TLE4: variants seen among roughly 807,000 people sequenced by gnomAD.
The protein encoded by TLE4 is TLE family member 4, transcriptional corepressor, also known as transducin-like enhancer protein 4.
A neutral mutation model predicts 92.8 loss-of-function variants in TLE4; 8 were observed. The observed-to-expected ratio is 0.09, with a 90% CI of 0.05 to 0.16. TLE4 has a LOEUF of 0.16. Ranked by LOEUF, TLE4 falls within the 10% of genes least tolerant of loss-of-function variation. TLE4 has a pLI of 1.00. For synonymous variants in TLE4, 371 were observed against 374.1 expected (o/e 0.99, Z 0.10); for missense variants, 675 against 997.6 (o/e 0.68, Z 4.36).
intron 8 of TLE4, among the ~76,000 whole-genome samples, chr9:79,672,223 A>G (rs2062519552): frequency 6.6e-6 from 1 of 152,000 alleles, no homozygotes; most frequent in Non-Finnish European, 1.5e-5. Flanking sequence ...AGAATGACAA[A>G]GGGGCCAGAG....
chr9:79,703,691 A>G (rs867979155), intron 8 of TLE4, among the ~76,000 whole-genome samples: 3 of 152,318 alleles, frequency 2.0e-5, no homozygotes, highest in Admixed American at 6.5e-5. Flanking sequence ...GGCATGGAGC[A>G]TCTTTCTCCA....
intron 4 of TLE4, among the ~76,000 whole-genome samples, chr9:79,591,621 C>T (rs370286781): frequency 3.0e-4 from 46 of 151,910 alleles, no homozygotes; most frequent in African/African-American, 1.1e-3. Flanking sequence ...TGGAGAGGGG[C>T]GTGACTGGAG....
intron 4 of TLE4, among the ~76,000 whole-genome samples, chr9:79,590,782 C>T (rs886766675): frequency 4.6e-5 from 7 of 152,030 alleles, no homozygotes; most frequent in African/African-American, 7.2e-5. Context: ...TGCTTTTTTG[C>T]CACTTTCTTT....
chr9:79,626,554 G>T (rs867406599), intron 5 of TLE4, among the ~76,000 whole-genome samples: 2 of 152,088 alleles, frequency 1.3e-5, no homozygotes, highest in Non-Finnish European at 2.9e-5. Flanking sequence ...TTTGGAGGGG[G>T]TAATTCTTGT....
intron 6 of TLE4, 174 bp downstream of exon 6, chr9:79,627,622 TGGATCAC>T (rs950106219): frequency 3.7e-5 from 24 of 640,492 alleles, no homozygotes; most frequent in African/African-American, 3.7e-4. Flanking sequence ...TTAGAAACTT[TGGATCAC>T]ATTCTCACCA....
At chr9:79,621,535 G>C (rs2050979269) in intron 5 of TLE4, among the ~76,000 whole-genome samples, 2 of 152,142 alleles carry the variant, frequency 1.3e-5, no homozygotes, top group South Asian at 2.1e-4. Flanking sequence ...AATGGAAAAA[G>C]CTTGTCCATG....
At chr9:79,616,089 A>G (rs1226695366) in intron 5 of TLE4, among the ~76,000 whole-genome samples, 1 of 152,180 alleles carries the variant, frequency 6.6e-6, no homozygotes, top group African/African-American at 2.4e-5. Flanking sequence ...AGCCATCTCA[A>G]GGTGGTAAAC....
At chr9:79,647,534 G>A (rs2058280725) in intron 6 of TLE4, among the ~76,000 whole-genome samples, 1 of 152,132 alleles carries the variant, frequency 6.6e-6, no homozygotes, top group Non-Finnish European at 1.5e-5. Flanking sequence ...TAGGCTTATA[G>A]TACAAGCAGC....
At chr9:79,674,577 CA>C (rs1325509671) in intron 8 of TLE4, among the ~76,000 whole-genome samples, 3 of 152,168 alleles carry the variant, frequency 2.0e-5, no homozygotes, top group Non-Finnish European at 2.9e-5. Flanking sequence ...CCTGTCAGAT[CA>C]GCAAAAATCC....
intron 8 of TLE4, among the ~76,000 whole-genome samples, chr9:79,677,608 ATTT>A (rs61013131): frequency 0.06 from 8,109 of 135,112 alleles, 268 homozygotes; most frequent in South Asian, 0.14. Context: ...TTGTTTCTTC[ATTT>A]TTTTTTTTTT....
intron 8 of TLE4, among the ~76,000 whole-genome samples, chr9:79,676,671 AG>A (rs2063311694): frequency 6.6e-6 from 1 of 152,142 alleles, no homozygotes; most frequent in South Asian, 2.1e-4. Context: ...GACTAGATTC[AG>A]GGGAGGCGTG....
chr9:79,684,670 G>A (rs533992411), intron 8 of TLE4, among the ~76,000 whole-genome samples: 1 of 152,272 alleles, frequency 6.6e-6, no homozygotes, highest in South Asian at 2.1e-4. Context: ...GGGGACTGCT[G>A]GTCTAGAACG....
chr9:79,723,593 C>T (rs551600518), intron 19 of TLE4, among the ~76,000 whole-genome samples: 5 of 152,284 alleles, frequency 3.3e-5, no homozygotes, highest in African/African-American at 1.2e-4. Flanking sequence ...ACGCTCTCCT[C>T]CTCTCTCCTA....
At chr9:79,637,437 AACC>A (rs1204973071) in intron 6 of TLE4, among the ~76,000 whole-genome samples, 1 of 152,142 alleles carries the variant, frequency 6.6e-6, no homozygotes, top group African/African-American at 2.4e-5. Flanking sequence ...TCACACATTT[AACC>A]ATTATGCTAC....
chr9:79,704,041 A>G (rs2070762787), intron 8 of TLE4, among the ~76,000 whole-genome samples: 3 of 152,078 alleles, frequency 2.0e-5, no homozygotes, highest in African/African-American at 7.2e-5. Flanking sequence ...CTTTAAAAAC[A>G]AAACAAAACA....
intron 8 of TLE4, among the ~76,000 whole-genome samples, chr9:79,665,647 C>T (rs933613987): frequency 6.6e-6 from 1 of 152,272 alleles, no homozygotes; most frequent in Non-Finnish European, 1.5e-5. Context: ...GACTCCCAAT[C>T]GGGATATGGG....
In TLE4 at chr9:79,718,768, C is replaced by A. The variant is rs751419480; in HGVS notation, c.1387C>A (p.Pro463Thr). 6.2e-7 allele frequency: 1 copy of A among 1,614,170 alleles called. No homozygotes were observed. The highest frequency in any genetic ancestry group is 1.3e-5 in the African/African-American group (1 of 75,028). Residue 463 changes from proline (P) to threonine (T), a missense_variant, in exon 15 of 20, where the codon CCT (proline) becomes ACT (threonine). Around this residue, in one of 5 missense-constraint regions of TLE4, gnomAD observed 119 missense variants for 175.9 expected, o/e 0.68. Coordinates refer to ENST00000376552, the MANE Select transcript of TLE4 (RefSeq NM_007005.6). Reference sequence around the variant, plus strand: ...CGCAGATGGTCAGATGCAGCCTGTCCCTTTTCCACCCGACGCCCTCATCGG... The same window carrying A: ...CGCAGATGGTCAGATGCAGCCTGTCACTTTTCCACCCGACGCCCTCATCGG... Reference protein sequence around the residue: ...VSADGQMQPVPFPPDALIGPG... With the variant: ...VSADGQMQPVTFPPDALIGPG...
intron 2 of TLE4, 46 bp downstream of exon 2, chr9:79,573,832 G>T (rs1440774793): frequency 7.1e-7 from 1 of 1,401,968 alleles, no homozygotes; most frequent in East Asian, 2.4e-5. Flanking sequence ...CTTAGCTCTT[G>T]TCTCCCCGAC....
intron 8 of TLE4, among the ~76,000 whole-genome samples, chr9:79,682,316 T>C (rs2064882963): frequency 6.6e-6 from 1 of 152,170 alleles, no homozygotes; most frequent in South Asian, 2.1e-4. Context: ...TAGACTGTTA[T>C]TCCAGCCCCT....
Sources: allele counts gnomAD v4.1 joint callset (sites outside exome capture counted in the v4.1 genomes callset), GRCh38; gene constraint gnomAD v4.1.1; regional missense constraint gnomAD v4.1.1; transcripts MANE v1.5; gene names NCBI Gene and HGNC (gene_info 2026-07-23, HGNC 2026-07-21).